Variants in NEDD4 observed in about 807,000 individuals in gnomAD.
The protein encoded by NEDD4 is E3 ubiquitin-protein ligase NEDD4.
NEDD4 carries 99 observed loss-of-function variants against 144.9 expected under a neutral mutation model. The ratio of observed to expected loss-of-function variants is 0.68; its 90% confidence interval spans 0.58 to 0.81. The LOEUF (loss-of-function observed/expected upper bound fraction) is 0.81. NEDD4 is among the 30% of genes least tolerant of loss of function. The probability of loss-of-function intolerance (pLI) is 0.00; values close to 1 mark genes in which losing one functional copy is unlikely to be tolerated. For missense variants in NEDD4, 985 were observed against 1,065.9 expected (o/e 0.92, Z 1.06); for synonymous variants, 318 against 350.6 (o/e 0.91, Z 1.04).
At position 55,834,241 on chromosome 15, in the gene NEDD4, C is replaced by A. The variant is rs938212106; in HGVS notation, c.2308G>T (p.Glu770Ter). The A allele has an allele frequency of 8.7e-6, 14 of 1,610,388 alleles. No individual in the cohort carries two copies. The highest frequency in any genetic ancestry group is 1.2e-5 in the Non-Finnish European group (14 of 1,176,890). ...TTATGTCTTACCTCTAGTTCATTTT[C>A]ATCAAAAATTTTGATGAGATCCTGT... ...IPQDLIKIFDENELELLMCGL... is the reference protein window; with the variant it reads ...IPQDLIKIFD Residue 770 changes from glutamate to a stop codon, truncating the protein, a stop_gained, in exon 25 of 29, where the codon GAA becomes TAA. Coordinates refer to ENST00000435532, the MANE Select transcript of NEDD4 (RefSeq NM_006154.4). LOFTEE classifies it high-confidence loss of function.
chr15:55,932,761 A>C (rs1425266102), intron 4 of NEDD4, among the ~76,000 whole-genome samples: 2 of 152,174 alleles, frequency 1.3e-5, no homozygotes, highest in Non-Finnish European at 2.9e-5. Context: ...AATTTTTACA[A>C]TCTACCCATC....
At chr15:55,956,706 AACTGT>A (rs769209073) in intron 2 of NEDD4, among the ~76,000 whole-genome samples, 1 of 152,284 alleles carries the variant, frequency 6.6e-6, no homozygotes, top group East Asian at 1.9e-4. Context: ...GTCTTATTAT[AACTGT>A]GTAGCAAGTC....
At chr15:55,975,343 G>C (rs576719090) in intron 1 of NEDD4, among the ~76,000 whole-genome samples, 1 of 152,236 alleles carries the variant, frequency 6.6e-6, no homozygotes, top group South Asian at 2.1e-4. Flanking sequence ...AAAAGCTAAA[G>C]ACTCCACCCA....
chr15:55,915,397 C>T (rs1318058229), intron 5 of NEDD4: 1 of 1,613,784 alleles, frequency 6.2e-7, no homozygotes, highest in Non-Finnish European at 8.5e-7. Context: ...GATGGTCCCC[C>T]TTTAGAACAA....
intron 2 of NEDD4, 80 bp from the exon 3 acceptor site, chr15:55,951,669 TCA>T (rs1203034522): frequency 1.5e-5 from 16 of 1,063,000 alleles, no homozygotes; most frequent in African/African-American, 4.9e-5. Context: ...ACTATAAAAT[TCA>T]CAGTTTTCCT....
intron 5 of NEDD4, among the ~76,000 whole-genome samples, chr15:55,878,870 T>A (rs1912396): frequency 1.3e-5 from 2 of 152,198 alleles, no homozygotes; most frequent in Non-Finnish European, 2.9e-5. Flanking sequence ...TCGCCCAGGC[T>A]GGGGTGCAAT....
Position 55,860,731 on chromosome 15 carries a change from T to C in NEDD4, c.722A>G (p.Gln241Arg). 1 of 1,614,190 alleles carries C rather than the reference T, an allele frequency of 6.2e-7. No homozygotes were observed. The highest frequency in any genetic ancestry group is 8.5e-7 in the Non-Finnish European group (1 of 1,180,004). ...CTGCCGCCTGGTGGTAAATGCACGT[T>C]GTGCTTGCAGTTGAATGTTGCCATT... ...AENGNIQLQA[Q>R]RAFTTRRQIS... Residue 241 changes from glutamine to arginine, a missense_variant, in exon 10 of 29, where the codon CAA (glutamine) becomes CGA (arginine). Gln to Arg is a conservative substitution (Grantham distance 43, BLOSUM62 1). Transcript: ENST00000435532.
At chr15:55,951,460 TA>T (rs2037237125) in intron 3 of NEDD4, 46 bp from the exon 4 acceptor site, 3 of 1,390,638 alleles carry the variant, frequency 2.2e-6, no homozygotes, top group Non-Finnish European at 2.9e-6. Context: ...TTTTGTCTTA[TA>T]AAAATAAAAC....
intron 5 of NEDD4, among the ~76,000 whole-genome samples, chr15:55,910,584 G>A (rs1194745219): frequency 2.6e-5 from 4 of 151,630 alleles, no homozygotes; most frequent in African/African-American, 7.3e-5. Context: ...CTTCCCTAAC[G>A]TGTTCATCCT....
intron 5 of NEDD4, among the ~76,000 whole-genome samples, chr15:55,896,385 C>A (rs1210417353): frequency 6.6e-5 from 10 of 151,896 alleles, no homozygotes; most frequent in African/African-American, 2.4e-4. Flanking sequence ...GGTTTTGCCA[C>A]GTTGGTTAGG....
At chr15:55,987,712 C>T (rs1418393013) in intron 1 of NEDD4, 2 of 34,808 alleles carry the variant, frequency 5.7e-5, no homozygotes, top group African/African-American at 2.4e-4. Flanking sequence ...TTTCCCAGCA[C>T]CATTTATTAA....
At chr15:55,916,039 AG>A in intron 5 of NEDD4, 2 of 1,613,974 alleles carry the variant, frequency 1.2e-6, no homozygotes, top group Non-Finnish European at 1.7e-6. Context: ...ATGACTAAGG[AG>A]GAGTAACGTT....
At position 55,860,643 on chromosome 15, in the gene NEDD4, C is replaced by G; in HGVS notation, c.792+18G>C. On this transcript the variant is annotated intron_variant, in intron 10 of 28. Coordinates refer to ENST00000435532, the MANE Select transcript of NEDD4 (RefSeq NM_006154.4). ...TATAGCATGTGTCTTTCAAGGAGAA[C>G]TAGGAAACTACTTATACCTCGGAAG... 3 of 1,613,760 alleles carry G rather than the reference C, an allele frequency of 1.9e-6. No homozygotes were observed. The highest frequency in any genetic ancestry group is 2.5e-6 in the Non-Finnish European group (3 of 1,179,786).
intron 4 of NEDD4, among the ~76,000 whole-genome samples, chr15:55,945,083 T>G (rs1292156552): frequency 2.6e-5 from 4 of 151,708 alleles, no homozygotes; most frequent in African/African-American, 9.7e-5. Flanking sequence ...CTGAAAATTC[T>G]AAAAACCAGA....
chr15:55,955,624 T>C (rs1394748188), intron 2 of NEDD4, among the ~76,000 whole-genome samples: 3 of 152,116 alleles, frequency 2.0e-5, no homozygotes, highest in Non-Finnish European at 4.4e-5. Context: ...TTAATCCATA[T>C]TGTCACATGA....
chr15:55,951,503 A>T lies in NEDD4; in HGVS notation c.198+8T>A. On this transcript the variant is annotated splice_region_variant and intron_variant, in intron 3 of 28. Transcript: ENST00000435532. ...CATTAAAAACTTTTGAATATTGCTA[A>T]GTCTAACCTTTTTAATGGTTTTTGT... The T allele has an allele frequency of 6.6e-7, 1 of 1,515,098 alleles. No homozygotes were observed. 93.9% of individuals were successfully genotyped at this position (1,515,098 alleles called of 1,614,324 possible). A position where few individuals can be genotyped will look rare whatever the true frequency, so the allele number is the denominator to read the frequency against.
intron 4 of NEDD4, among the ~76,000 whole-genome samples, chr15:55,927,100 G>GAAAAAA (rs1566955482): frequency 1.3e-3 from 162 of 124,726 alleles, no homozygotes; most frequent in Middle Eastern, 9.0e-3. Flanking sequence ...AAAAAAAAAA[G>GAAAAAA]AAAGAAAGAA....
At chr15:55,984,975 C>T (rs2037866386) in intron 1 of NEDD4, among the ~76,000 whole-genome samples, 1 of 152,170 alleles carries the variant, frequency 6.6e-6, no homozygotes, top group Middle Eastern at 3.2e-3. Context: ...TGCATGTCTC[C>T]AAATGCTATA....
At chr15:55,880,586 G>A (rs966215464) in intron 5 of NEDD4, among the ~76,000 whole-genome samples, 1 of 152,156 alleles carries the variant, frequency 6.6e-6, no homozygotes, top group Non-Finnish European at 1.5e-5. Context: ...TTTTCAGGGA[G>A]GTAATGGAGG....
Sources: gnomAD v4.1 joint callset for allele counts (sites outside exome capture counted in the v4.1 genomes callset) on GRCh38, gnomAD v4.1.1 for gene constraint, MANE v1.5 for transcripts, NCBI Gene and HGNC (gene_info 2026-07-23, HGNC 2026-07-21) for gene names.